Variants in RFC1 observed in about 807,000 individuals in gnomAD.
The protein encoded by RFC1 is A1 140 kDa subunit.
RFC1 carries 37 observed loss-of-function variants against 137.4 expected under a neutral mutation model. The ratio of observed to expected loss-of-function variants is 0.27; its 90% CI spans 0.21 to 0.35. The LOEUF (loss-of-function observed/expected upper bound fraction) is 0.35. RFC1 is among the 10% of genes least tolerant of loss of function. The pLI, the probability that RFC1 is intolerant of heterozygous loss-of-function variation, is 1.00. For missense variants in RFC1, 1,205 were observed against 1,358.5 expected, an observed-to-expected ratio of 0.89 and a Z score of 1.78; for synonymous variants, 429 against 455.7, an observed-to-expected ratio of 0.94 and a Z score of 0.75.
chr4:39,351,308 T>C, intron 2 of RFC1, 40 bp downstream of exon 2: 1 of 1,184,834 alleles, frequency 8.4e-7, no homozygotes, highest in South Asian at 1.5e-5. Flanking sequence ...GAGTTTATTT[T>C]ACATTTCATT....
intron 1 of RFC1, among the ~76,000 whole-genome samples, chr4:39,353,821 G>T (rs896553497): frequency 2.0e-5 from 3 of 152,208 alleles, no homozygotes; most frequent in African/African-American, 7.2e-5. Context: ...GAGTGATAGT[G>T]CATGTGTGCC....
intron 21 of RFC1, among the ~76,000 whole-genome samples, chr4:39,296,321 A>G (rs529041177): frequency 7.4e-6 from 1 of 134,354 alleles, no homozygotes; most frequent in East Asian, 2.2e-4. Flanking sequence ...TTACATATGT[A>G]TACATGTGCC....
intron 1 of RFC1, among the ~76,000 whole-genome samples, chr4:39,363,981 A>T (rs929151460): frequency 2.7e-5 from 4 of 150,694 alleles, no homozygotes; most frequent in African/African-American, 9.7e-5. Context: ...TTGGGAGGCC[A>T]GGGTGGAAGG....
At chr4:39,361,992 T>C (rs1300482700) in intron 1 of RFC1, among the ~76,000 whole-genome samples, 6 of 152,122 alleles carry the variant, frequency 3.9e-5, no homozygotes, top group African/African-American at 1.4e-4. Flanking sequence ...TGAGCCAAGA[T>C]GGTGCCACTG....
intron 21 of RFC1, among the ~76,000 whole-genome samples, chr4:39,299,610 CAAA>C (rs970461214): frequency 4.9e-5 from 2 of 40,484 alleles, no homozygotes; most frequent in Admixed American, 2.5e-4. Context: ...AACACTGTCT[CAAA>C]AAAAAAAAAA....
chr4:39,287,669 C>G lies in RFC1; in HGVS notation c.*1092G>C, dbSNP rs1417560107. On this transcript the variant is annotated 3_prime_UTR_variant, in exon 25 of 25. Coordinates refer to ENST00000349703, the MANE Select transcript of RFC1 (RefSeq NM_002913.5). ...GCACAGACCTCTGAGCATTTACCAACAAGATTAAAAAATAGCTAGACATCT... is the reference window on the plus strand; with the variant it reads ...GCACAGACCTCTGAGCATTTACCAAGAAGATTAAAAAATAGCTAGACATCT... The G allele has an allele frequency of 6.6e-6, 1 of 152,132 alleles. No homozygotes were observed. Among genetic ancestry groups the G allele is most frequent in the Non-Finnish European group, 1.5e-5 (1 of 68,026 alleles). 9.4% of individuals were successfully genotyped at this position (152,132 alleles called of 1,614,324 possible).
intron 1 of RFC1, chr4:39,365,580 TA>T (rs1741983176): frequency 1.5e-6 from 1 of 645,732 alleles, no homozygotes; most frequent in African/African-American, 2.0e-5. Flanking sequence ...CATCAGGTGG[TA>T]AGAGGATGAC....
At chr4:39,330,488 G>A (rs555157243) in intron 4 of RFC1, among the ~76,000 whole-genome samples, 1 of 151,914 alleles carries the variant, frequency 6.6e-6, no homozygotes, top group Admixed American at 6.6e-5. Context: ...TCCCTCCAAG[G>A]GCCTCCAAAA....
chr4:39,327,576 G>T lies in RFC1; in HGVS notation c.512C>A (p.Thr171Asn), dbSNP rs757029913. The change falls in exon 5 of 25, where the codon ACT (threonine) becomes AAT (asparagine). Residue 171 changes from threonine (T) to asparagine (N), a missense_variant. Coordinates refer to ENST00000349703, the MANE Select transcript of RFC1 (RefSeq NM_002913.5). ...CTTATTAGATCTTTGGACACTTCCA[G>T]TTCCAAAATAATCAAGTACTGATGT... ...TPTSVLDYFGTGSVQRSNKKM... is the reference protein window; with the variant it reads ...TPTSVLDYFGNGSVQRSNKKM... 11 of 1,613,468 alleles carry T rather than the reference G, an allele frequency of 6.8e-6. No homozygotes were observed. The African/African-American group carries it at 1.2e-4, about 18-fold the overall frequency.
intron 1 of RFC1, among the ~76,000 whole-genome samples, chr4:39,353,180 C>A (rs1741293208): frequency 1.3e-5 from 2 of 151,950 alleles, no homozygotes; most frequent in South Asian, 4.2e-4. Flanking sequence ...GCAAAAGGAT[C>A]ACTTGAGGCC....
intron 8 of RFC1, among the ~76,000 whole-genome samples, 166 bp downstream of exon 8, chr4:39,321,121 T>C (rs920770537): frequency 6.6e-6 from 1 of 152,228 alleles, no homozygotes; most frequent in African/African-American, 2.4e-5. Context: ...CCAGCTAGCA[T>C]CCAAAGAGCT....
chr4:39,289,632 T>C, intron 24 of RFC1: 2 of 509,852 alleles, frequency 3.9e-6, no homozygotes, highest in Non-Finnish European at 6.9e-6. Context: ...GCCGTCAATA[T>C]CATGGCCTGT....
chr4:39,304,416 A>T (rs1349410971), intron 15 of RFC1, among the ~76,000 whole-genome samples: 2 of 152,122 alleles, frequency 1.3e-5, no homozygotes, highest in Non-Finnish European at 1.5e-5. Flanking sequence ...TTACTTCTTC[A>T]TCTGCTGGCC....
Position 39,326,595 on chromosome 4 carries a change from C to T in RFC1, c.610G>A (p.Ala204Thr), listed in dbSNP as rs376166947. ...DESGLNDEAI[A>T]KQLQLDEDAE... is the part of the protein sequence containing the mutation. ...TCTTCATCAAGCTGTAATTGCTTGG[C>T]GATGGCTTCATCATTTAATCCAGAC... The change falls in exon 6 of 25, where the codon GCC becomes ACC. Residue 204 changes from alanine to threonine, a missense_variant. Physicochemically the swap from Ala to Thr is moderately conservative, Grantham distance 58 (BLOSUM62 0). Around this residue, in one of 3 missense-constraint regions of RFC1, gnomAD observed 962 missense variants for 1,035.3 expected, o/e 0.93. Transcript: ENST00000349703. 70 of 1,612,794 alleles carry T rather than the reference C, an allele frequency of 4.3e-5. No homozygotes were observed. In the Admixed American group the frequency reaches 8.2e-4, roughly 19 times the overall value.
At position 39,300,160 on chromosome 4, in the gene RFC1, G is replaced by T. The variant is rs763543869; in HGVS notation, c.2691-22C>A. ...ACCCCTGCAGGAAAGAACCAGTCTG[G>T]ATTATCCCACTCTCCACACCCCAGG... On this transcript the variant is annotated intron_variant, in intron 20 of 24. Transcript: ENST00000349703. 4.3e-6 allele frequency: 7 copies of T among 1,611,074 alleles called. No individual in the cohort carries two copies. The Admixed American group carries it at 1.2e-4, about 27-fold the overall frequency.
intron 4 of RFC1, among the ~76,000 whole-genome samples, chr4:39,338,942 T>C (rs1317672603): frequency 1.3e-5 from 2 of 152,178 alleles, no homozygotes; most frequent in African/African-American, 4.8e-5. Flanking sequence ...CTGCAACCAC[T>C]GTTGCATTCT....
rs201073589 is a variant in RFC1 at position 39,302,351 on chromosome 4, C to T, written c.2462G>A (p.Cys821Tyr). ...ATAGGTTAATGCTTTACTTCGTGCA[C>T]ACCACATACTCAGATTATGTAAAAC... ...RQVLHNLSMW[C>Y]ARSKALTYDQ... The change falls in exon 19 of 25, where the codon TGT becomes TAT. Residue 821 changes from cysteine (C) to tyrosine (Y), a missense_variant. Physicochemically the swap from Cys to Tyr is radical, Grantham distance 194 (BLOSUM62 -2). Around this residue, in one of 3 missense-constraint regions of RFC1, gnomAD observed 962 missense variants for 1,035.3 expected, o/e 0.93. Transcript: ENST00000349703. 2 of 1,612,918 alleles carry T rather than the reference C, an allele frequency of 1.2e-6. No homozygotes were observed. Among genetic ancestry groups the T allele is most frequent in the East Asian group, 2.2e-5 (1 of 44,844 alleles).
At chr4:39,365,627 G>T in intron 1 of RFC1, 1 of 292,852 alleles carries the variant, frequency 3.4e-6, no homozygotes, top group Non-Finnish European at 5.1e-6. Flanking sequence ...TCTATTCGCT[G>T]TACTTCTTTT....
intron 1 of RFC1, among the ~76,000 whole-genome samples, chr4:39,362,444 A>T (rs760489693): frequency 6.6e-6 from 1 of 152,244 alleles, no homozygotes; most frequent in Non-Finnish European, 1.5e-5. Flanking sequence ...ATAGATATAT[A>T]GATCAATGGA....
Sources: gnomAD v4.1 joint callset for allele counts (sites outside exome capture counted in the v4.1 genomes callset) on GRCh38, gnomAD v4.1.1 for gene constraint, gnomAD v4.1.1 regional missense constraint, MANE v1.5 for transcripts, NCBI Gene and HGNC (gene_info 2026-07-23, HGNC 2026-07-21) for gene names.